CELF2: variants seen among roughly 807,000 people sequenced by gnomAD.
CELF2 encodes CUG triplet repeat RNA-binding protein 2.
Under a neutral mutation model 62.6 loss-of-function variants are expected in CELF2, and 8 were observed. That is an observed-to-expected ratio of 0.13 (90% CI 0.07 to 0.23). CELF2 has a LOEUF of 0.23. Ranked by LOEUF, CELF2 falls within the 10% of genes least tolerant of loss-of-function variation. The pLI is 1.00. For synonymous variants in CELF2, 258 were observed against 250.0 expected (o/e 1.03, Z -0.30); for missense variants, 333 against 671.0 (o/e 0.50, Z 5.56).
chr10:10,510,979 G>T, the CELF2 span, among the ~76,000 whole-genome samples: 2 of 152,360 alleles, frequency 1.3e-5, no homozygotes, highest in East Asian at 3.9e-4. Context: ...TAAGGTGAAA[G>T]GGAACTCAGA....
At chr10:10,985,404 C>T (rs2052627932) in intron 2 of CELF2, among the ~76,000 whole-genome samples, 2 of 151,714 alleles carry the variant, frequency 1.3e-5, no homozygotes. Flanking sequence ...ACAATTAAAT[C>T]AGCATGGCAA....
At chr10:10,792,166 C>T in the CELF2 span, among the ~76,000 whole-genome samples, 7 of 152,086 alleles carry the variant, frequency 4.6e-5, no homozygotes, top group African/African-American at 7.2e-5. Context: ...ACATGCTAAA[C>T]GGATCATTTG....
At chr10:10,809,368 A>G (rs1014543332) in intron 1 of CELF2, among the ~76,000 whole-genome samples, 1 of 152,210 alleles carries the variant, frequency 6.6e-6, no homozygotes, top group African/African-American at 2.4e-5. Flanking sequence ...CACCCAGTCT[A>G]TGGTATTTCA....
At chr10:11,277,175 ATTAT>A (rs2086452418) in intron 8 of CELF2, among the ~76,000 whole-genome samples, 2 of 152,226 alleles carry the variant, frequency 1.3e-5, no homozygotes, top group African/African-American at 4.8e-5. Flanking sequence ...TATTTGAAGT[ATTAT>A]GGCTTGGAGT....
At chr10:10,627,791 A>G in the CELF2 span, among the ~76,000 whole-genome samples, 1 of 152,230 alleles carries the variant, frequency 6.6e-6, no homozygotes, top group African/African-American at 2.4e-5. Flanking sequence ...CTTAAAAATG[A>G]AACTGTTTTT....
the CELF2 span, among the ~76,000 whole-genome samples, chr10:10,717,672 G>A: frequency 6.6e-6 from 1 of 152,136 alleles, no homozygotes; most frequent in Non-Finnish European, 1.5e-5. Context: ...TATCACCATT[G>A]TATGTGGTAA....
At chr10:11,323,349 C>T (rs1020523367) in intron 11 of CELF2, among the ~76,000 whole-genome samples, 1 of 151,340 alleles carries the variant, frequency 6.6e-6, no homozygotes, top group African/African-American at 2.4e-5. Flanking sequence ...AATATGTGCT[C>T]AAGAAATTTA....
chr10:10,570,908 G>A, the CELF2 span, among the ~76,000 whole-genome samples: 1 of 152,062 alleles, frequency 6.6e-6, no homozygotes, highest in Admixed American at 6.6e-5. Context: ...AAAAAAAGAT[G>A]AGTAGCTTTT....
chr10:10,635,677 A>C, the CELF2 span, among the ~76,000 whole-genome samples: 1 of 152,240 alleles, frequency 6.6e-6, no homozygotes, highest in Non-Finnish European at 1.5e-5. Flanking sequence ...CTCAATTAAC[A>C]ACATCAAAAA....
the CELF2 span, among the ~76,000 whole-genome samples, chr10:10,609,340 T>G: frequency 6.6e-6 from 1 of 152,198 alleles, no homozygotes; most frequent in Non-Finnish European, 1.5e-5. Flanking sequence ...ATGTACATTA[T>G]GAAATAGCAT....
rs1264209617 is a variant in CELF2 at position 11,098,970 on chromosome 10, G to C, written c.75-66516G>C. 6.6e-6 allele frequency among the ~76,000 whole-genome samples: 1 copy of C among 152,188 alleles called. No individual in the cohort carries two copies. The highest frequency in any genetic ancestry group is 1.5e-5 in the Non-Finnish European group (1 of 68,028). On this transcript the variant is annotated intron_variant, in intron 1 of 12. Coordinates refer to ENST00000633077, the MANE Select transcript of CELF2 (RefSeq NM_001326342.2). The surrounding 1 kb of genome is among the most constrained non-coding windows in gnomAD (Gnocchi z 4.0). ...AATGCAGATAACAGACAGAAATGCA[G>C]ATAAGCTTTGCCATAAGAAACGCAC...
At chr10:10,843,485 C>G (rs2058817178) in intron 1 of CELF2, among the ~76,000 whole-genome samples, 1 of 151,938 alleles carries the variant, frequency 6.6e-6, no homozygotes, top group African/African-American at 2.4e-5. Flanking sequence ...TTCCAGCTAT[C>G]TTTCTGTTAC....
intron 1 of CELF2, among the ~76,000 whole-genome samples, chr10:11,139,575 A>G (rs2060970851): frequency 6.6e-6 from 1 of 152,230 alleles, no homozygotes; most frequent in African/African-American, 2.4e-5. Flanking sequence ...CATATAGATT[A>G]TGTGATTTTT....
At chr10:10,757,420 T>C in the CELF2 span, among the ~76,000 whole-genome samples, 5 of 152,148 alleles carry the variant, frequency 3.3e-5, no homozygotes, top group African/African-American at 9.7e-5. Flanking sequence ...ATCATACCAT[T>C]GCACTGTCTC....
intron 2 of CELF2, among the ~76,000 whole-genome samples, chr10:11,205,261 C>G (rs939898041): frequency 2.6e-5 from 4 of 152,182 alleles, no homozygotes; most frequent in Admixed American, 2.0e-4. Flanking sequence ...GGAAGCACAG[C>G]GGCAGCGCAG....
chr10:10,482,097 G>C, the CELF2 span, among the ~76,000 whole-genome samples: 2 of 152,166 alleles, frequency 1.3e-5, no homozygotes, highest in African/African-American at 2.4e-5. Flanking sequence ...TACACTCTGC[G>C]TCTGTGAGAA....
Position 11,275,161 on chromosome 10 carries a change from G to T in CELF2, c.841+41G>T, listed in dbSNP as rs369951724. 2.0e-5 allele frequency: 32 copies of T among 1,602,470 alleles called. No homozygotes were observed. The East Asian group carries it at 7.1e-4, about 36-fold the overall frequency. ...CGCCTCTCCTTTTGACCGTGCTATT[G>T]TCAGAATTTGGGGTTGGTTCCGAGG... On this transcript the variant is annotated intron_variant, in intron 8 of 12. Transcript: ENST00000633077.
chr10:10,714,020 G>A, the CELF2 span, among the ~76,000 whole-genome samples: 3 of 152,002 alleles, frequency 2.0e-5, no homozygotes, highest in Non-Finnish European at 4.4e-5. Flanking sequence ...GGGCAACAGA[G>A]TGAGAATCCA....
At chr10:11,265,743 T>C (rs1021096542) in intron 5 of CELF2, among the ~76,000 whole-genome samples, 22 of 152,224 alleles carry the variant, frequency 1.4e-4, no homozygotes, top group African/African-American at 5.3e-4. Flanking sequence ...CTAGTTATTT[T>C]ACAGCACAAG....
Sources: allele counts gnomAD v4.1 joint callset (sites outside exome capture counted in the v4.1 genomes callset), GRCh38; gene constraint gnomAD v4.1.1; non-coding constraint Gnocchi (gnomAD v3.1); transcripts MANE v1.5; gene names NCBI Gene and HGNC (gene_info 2026-07-23, HGNC 2026-07-21).